MARCHF7: variants seen among roughly 807,000 people sequenced by gnomAD.
The protein encoded by MARCHF7 is E3 ubiquitin-protein ligase MARCHF7.
Under a neutral mutation model 76.5 loss-of-function variants are expected in MARCHF7, and 20 were observed. The observed-to-expected ratio is 0.26, with a 90% confidence interval of 0.18 to 0.38. The LOEUF is 0.38. MARCHF7 is among the 10% of genes least tolerant of loss of function. The pLI is 1.00. For missense variants in MARCHF7, 797 were observed against 812.9 expected (o/e 0.98, Z 0.24); for synonymous variants, 295 against 293.0 (o/e 1.01, Z -0.07).
chr2:159,726,329 C>T (rs940641484), intron 3 of MARCHF7, among the ~76,000 whole-genome samples: 1 of 152,154 alleles, frequency 6.6e-6, no homozygotes, highest in Non-Finnish European at 1.5e-5. Flanking sequence ...GTGGCACGAT[C>T]TCTGCTCACT....
chr2:159,729,194 A>G lies in MARCHF7; in HGVS notation c.153+19A>G, dbSNP rs746093897. 2.5e-5 allele frequency: 39 copies of G among 1,569,016 alleles called. No homozygotes were observed. Among genetic ancestry groups the G allele is most frequent in the Non-Finnish European group, 3.3e-5 (38 of 1,156,670 alleles). The stretch of plus-strand genomic sequence containing the variant: ...ATATCAGGTAACATTTTTATTTGGA[A>G]TATATGTATACAGCCTTTTTCAAAA... On this transcript the variant is annotated intron_variant, in intron 4 of 11. Coordinates refer to ENST00000409175, the MANE Select transcript of MARCHF7 (RefSeq NM_001282805.2).
chr2:159,728,985 T>C, intron 3 of MARCHF7, 24 bp from the exon 4 acceptor site: 1 of 1,466,300 alleles, frequency 6.8e-7, no homozygotes, highest in Non-Finnish European at 9.1e-7. Flanking sequence ...CCAAAGGCAA[T>C]TAATGAAAAT....
intron 4 of MARCHF7, among the ~76,000 whole-genome samples, chr2:159,735,955 C>A (rs757260238): frequency 6.6e-6 from 1 of 152,060 alleles, no homozygotes; most frequent in Non-Finnish European, 1.5e-5. Context: ...TAGTGATAGC[C>A]CATCTCTAAA....
At chr2:159,729,209 C>A in intron 4 of MARCHF7, 34 bp downstream of exon 4, 1 of 1,495,216 alleles carries the variant, frequency 6.7e-7, no homozygotes, top group Non-Finnish European at 9.0e-7. Context: ...TGTATACAGC[C>A]TTTTTCAAAA....
intron 7 of MARCHF7, among the ~76,000 whole-genome samples, chr2:159,751,144 G>A (rs917922112): frequency 8.5e-5 from 13 of 152,208 alleles, no homozygotes; most frequent in African/African-American, 2.9e-4. Context: ...TCTGCTAAGG[G>A]ATGTAGTAAC....
chr2:159,733,769 A>G (rs1703108754), intron 4 of MARCHF7: 4 of 985,232 alleles, frequency 4.1e-6, no homozygotes, highest in Non-Finnish European at 4.8e-6. Context: ...TTTTTAGTTA[A>G]CATGGATATT....
intron 4 of MARCHF7, among the ~76,000 whole-genome samples, chr2:159,740,366 T>C (rs553959012): frequency 4.6e-4 from 70 of 152,244 alleles, no homozygotes; most frequent in Non-Finnish European, 8.1e-4. Flanking sequence ...ATGTATTCAA[T>C]TTAAAGTGCT....
chr2:159,732,480 A>G (rs1702932250), intron 4 of MARCHF7, among the ~76,000 whole-genome samples: 1 of 152,042 alleles, frequency 6.6e-6, no homozygotes, highest in Non-Finnish European at 1.5e-5. Context: ...TTTAGTTTTG[A>G]TTTAGAAATT....
In MARCHF7 at chr2:159,762,861, G is replaced by A; in HGVS notation, c.1894-19G>A. ...ATTCTCTGTATTTTTCTTTTCTCCT[G>A]TTTGCTTCCCTGTTGAAGGCTGAGT... is the stretch of plus-strand genomic sequence containing the variant. On this transcript the variant is annotated intron_variant, in intron 9 of 11. Transcript: ENST00000409175. 1 of 1,512,366 alleles carries A rather than the reference G, an allele frequency of 6.6e-7. No individual in the cohort carries two copies. Among genetic ancestry groups the A allele is most frequent in the Non-Finnish European group, 9.1e-7 (1 of 1,099,672 alleles). 93.7% of individuals were successfully genotyped at this position (1,512,366 alleles called of 1,614,324 possible).
At chr2:159,748,964 C>CTTTT (rs1408372155) in intron 7 of MARCHF7, 61 bp downstream of exon 7, 1 of 760,866 alleles carries the variant, frequency 1.3e-6, no homozygotes, top group African/African-American at 2.5e-5. Flanking sequence ...CTCTTCATTT[C>CTTTT]TTTTTTTTCT....
rs933478948 is a variant in MARCHF7 at position 159,768,644 on chromosome 2, T to C, written c.*1302T>C. ...ACATCAGACTTCATAACCAAGAATT[T>C]TATTACAATTTCAAATCTCATTTTA... On this transcript the variant is annotated 3_prime_UTR_variant, in exon 12 of 12. Coordinates refer to ENST00000409175, the MANE Select transcript of MARCHF7 (RefSeq NM_001282805.2). The C allele has an allele frequency of 6.6e-6, 1 of 152,630 alleles. No homozygotes were observed. Among genetic ancestry groups the C allele is most frequent in the African/African-American group, 2.4e-5 (1 of 41,466 alleles). 9.5% of individuals were successfully genotyped at this position (152,630 alleles called of 1,614,324 possible).
Position 159,759,256 on chromosome 2 carries a change from A to C in MARCHF7, c.1814A>C (p.Glu605Ala), listed in dbSNP as rs749224075. The C allele has an allele frequency of 6.2e-7, 1 of 1,610,692 alleles. No individual in the cohort carries two copies. Among genetic ancestry groups the C allele is most frequent in the East Asian group, 2.2e-5 (1 of 44,734 alleles). ...GSSLEAVTTC[E>A]LCKEKLELNL... Reference sequence around the variant, plus strand: ...TCATTAGAAGCTGTAACCACCTGTGAACTATGTAAAGAGAAGTTGGAGCTT... The same window carrying C: ...TCATTAGAAGCTGTAACCACCTGTGCACTATGTAAAGAGAAGTTGGAGCTT... The change falls in exon 9 of 12, where the codon GAA (glutamate) becomes GCA (alanine). Residue 605 changes from glutamate (E) to alanine (A), a missense_variant. Transcript: ENST00000409175.
In MARCHF7 at chr2:159,750,925, T is replaced by G. The variant is rs376333343; in HGVS notation, c.1614-1477T>G. On this transcript the variant is annotated intron_variant, in intron 7 of 11. Coordinates refer to ENST00000409175, the MANE Select transcript of MARCHF7 (RefSeq NM_001282805.2). ...ATCCAACTCTGGTGATAAAGGAAAC[T>G]CTGCACACTTTCTGAGATGTTGGGC... Among the ~76,000 whole-genome samples, 401 of 151,920 alleles carry G rather than the reference T, an allele frequency of 2.6e-3. 26 individuals carry two copies. In the South Asian group the frequency reaches 0.081, roughly 31 times the overall value.
chr2:159,722,544 G>A (rs1701750204), intron 3 of MARCHF7, among the ~76,000 whole-genome samples: 1 of 152,170 alleles, frequency 6.6e-6, no homozygotes, highest in Admixed American at 6.5e-5. Context: ...AGAACGTTTA[G>A]TGTTGTCCCC....
intron 5 of MARCHF7, among the ~76,000 whole-genome samples, chr2:159,744,427 G>GAC (rs1560011838): frequency 6.6e-6 from 1 of 152,130 alleles, no homozygotes; most frequent in African/African-American, 2.4e-5. Context: ...TATGTACTGA[G>GAC]ACACATATTT....
intron 3 of MARCHF7, among the ~76,000 whole-genome samples, chr2:159,719,563 A>G (rs559901275): frequency 6.6e-6 from 1 of 152,274 alleles, no homozygotes; most frequent in Non-Finnish European, 1.5e-5. Flanking sequence ...CCTTGGAGCC[A>G]TGTCTCTTCC....
intron 4 of MARCHF7, chr2:159,732,915 T>G: frequency 1.0e-6 from 1 of 985,282 alleles, no homozygotes; most frequent in Non-Finnish European, 1.2e-6. Context: ...ATATGTGAGA[T>G]GTAAGATGAA....
At chr2:159,729,318 C>T (rs573164496) in intron 4 of MARCHF7, 143 bp downstream of exon 4, 4 of 521,198 alleles carry the variant, frequency 7.7e-6, no homozygotes, top group Admixed American at 4.3e-5. Flanking sequence ...AAATGAATAA[C>T]ATTTTTCAAA....
chr2:159,744,003 TTGG>T (rs1704511677), intron 5 of MARCHF7, among the ~76,000 whole-genome samples: 1 of 30,330 alleles, frequency 3.3e-5, no homozygotes, highest in African/African-American at 3.1e-4. Flanking sequence ...TTTTTTTTTT[TTGG>T]AGACGGAGTC....
Sources: allele counts gnomAD v4.1 joint callset (sites outside exome capture counted in the v4.1 genomes callset), GRCh38; gene constraint gnomAD v4.1.1; transcripts MANE v1.5; gene names NCBI Gene and HGNC (gene_info 2026-07-23, HGNC 2026-07-21).